The following KAZN variants were observed in gnomAD, a reference collection of about 807,000 sequenced individuals.
The protein encoded by KAZN is kazrin.
A neutral mutation model predicts 87.4 loss-of-function variants in KAZN; 40 were observed. The ratio of observed to expected loss-of-function variants is 0.46; its 90% CI spans 0.36 to 0.60. The LOEUF is 0.60. Among genes scored for constraint, KAZN ranks in the 20% least tolerant of loss-of-function variants. KAZN has a pLI of 0.00. For synonymous variants in KAZN, 466 were observed against 458.3 expected (o/e 1.02, Z -0.22); for missense variants, 898 against 1,073.9 (o/e 0.84, Z 2.29).
chr1:14,589,270 T>A (rs751921850), intron 2 of KAZN, among the ~76,000 whole-genome samples: 1 of 151,356 alleles, frequency 6.6e-6, no homozygotes, highest in Non-Finnish European at 1.5e-5. Context: ...AATGTGGCCT[T>A]GGAGTTCCAA....
At position 15,096,810 on chromosome 1, in the gene KAZN, C is replaced by G. The variant is rs1261079987; in HGVS notation, c.1547+1877C>G. On this transcript the variant is annotated intron_variant, in intron 10 of 14. Transcript: ENST00000376030. This position sits in a 1 kb window ranked among gnomAD's most constrained non-coding sequence, Gnocchi z 4.5. The stretch of plus-strand genomic sequence containing the variant: ...ATCATGAAGGGCACCCCTATGACCT[C>G]ATCTAATCAGCTCCCAAAGGCCCCA... Among the ~76,000 whole-genome samples the G allele has an allele frequency of 6.6e-6, 1 of 152,180 alleles. No individual in the cohort carries two copies. The highest frequency in any genetic ancestry group is 1.5e-5 in the Non-Finnish European group (1 of 68,008).
At chr1:14,409,627 A>G (rs1436335750) in intron 2 of KAZN, among the ~76,000 whole-genome samples, 2 of 152,190 alleles carry the variant, frequency 1.3e-5, no homozygotes, top group Non-Finnish European at 2.9e-5. Context: ...AAACGGCCAG[A>G]GAGACATGCA....
chr1:14,089,252 G>A (rs192312387), intron 1 of KAZN, among the ~76,000 whole-genome samples: 245 of 152,100 alleles, frequency 1.6e-3, no homozygotes, highest in African/African-American at 5.7e-3. Context: ...GACAATCTAT[G>A]TCTTTTAGTT....
At position 14,752,752 on chromosome 1, in the gene KAZN, G is replaced by T. The variant is rs368743134; in HGVS notation, c.226+153529G>T. Among the ~76,000 whole-genome samples the T allele has an allele frequency of 1.3e-4, 20 of 152,222 alleles. No individual in the cohort carries two copies. In the East Asian group the frequency reaches 2.7e-3, roughly 21 times the overall value. On this transcript the variant is annotated intron_variant, in intron 1 of 14. Transcript: ENST00000376030. ...ACATAGGAATTTGGTGGGGAGGGGG[G>T]ACACATTCAGACCATAGCAAGAGCC...
rs531815140 is a variant in KAZN at position 14,220,804 on chromosome 1, A to T, written c.249+40212A>T. On this transcript the variant is annotated intron_variant, in intron 2 of 16. Coordinates refer to the KAZN transcript ENST00000636203. Reference sequence around the variant, plus strand: ...CCCACATTTATCCTCCAGGGCTTTTATTCCCAACCATACTTATACTTGTCA... The same window carrying T: ...CCCACATTTATCCTCCAGGGCTTTTTTTCCCAACCATACTTATACTTGTCA... 5.9e-5 allele frequency among the ~76,000 whole-genome samples: 9 copies of T among 152,274 alleles called. No homozygotes were observed. In the South Asian group the frequency reaches 1.9e-3, roughly 32 times the overall value.
chr1:14,354,141 C>T (rs1658792018), intron 2 of KAZN, among the ~76,000 whole-genome samples: 1 of 151,956 alleles, frequency 6.6e-6, no homozygotes, highest in African/African-American at 2.4e-5. Context: ...GAATTGAAAG[C>T]CTTTTTAACA....
chr1:14,028,073 G>A (rs955061740), intron 1 of KAZN, among the ~76,000 whole-genome samples: 1 of 152,208 alleles, frequency 6.6e-6, no homozygotes, highest in Non-Finnish European at 1.5e-5. Context: ...GCCAAGCTTA[G>A]TGTGAGCCTT....
intron 2 of KAZN, among the ~76,000 whole-genome samples, chr1:14,424,928 A>G (rs1224415721): frequency 6.6e-6 from 1 of 152,236 alleles, no homozygotes; most frequent in Non-Finnish European, 1.5e-5. Flanking sequence ...TTCTAATATC[A>G]TAGCTAAATC....
intron 1 of KAZN, among the ~76,000 whole-genome samples, chr1:13,966,434 G>T (rs1040371341): frequency 8.5e-4 from 130 of 152,324 alleles, no homozygotes; most frequent in African/African-American, 2.9e-3. Context: ...CTTTCTGGGG[G>T]TGGGGTCCTG....
chr1:13,919,127 A>T (rs2100895617), intron 1 of KAZN, among the ~76,000 whole-genome samples: 1 of 152,378 alleles, frequency 6.6e-6, no homozygotes, highest in South Asian at 2.1e-4. Context: ...TCACAAGTGA[A>T]TACATCTGTA....
intron 1 of KAZN, among the ~76,000 whole-genome samples, chr1:14,055,901 C>G (rs72861225): frequency 6.6e-6 from 1 of 152,122 alleles, no homozygotes; most frequent in East Asian, 1.9e-4. Flanking sequence ...AAAATGCTAC[C>G]GAGCCTTTTA....
intron 1 of KAZN, among the ~76,000 whole-genome samples, chr1:14,095,608 C>T (rs1052703098): frequency 2.6e-5 from 4 of 152,110 alleles, no homozygotes; most frequent in Non-Finnish European, 5.9e-5. Context: ...CTGGAGGCTT[C>T]TTCACATACA....
rs146334402 is a variant in KAZN at position 15,044,093 on chromosome 1, G to A, written c.660G>A (p.Thr220=). 7.2e-4 allele frequency: 1,157 copies of A among 1,612,620 alleles called. 2 individuals carry two copies. Among genetic ancestry groups the A allele is most frequent in the East Asian group, 1.6e-3 (72 of 44,844 alleles). ...RQAKEATDHA[T]ALRSQLDLKD... ...CCAAGGAGGCCACAGACCACGCCAC[G>A]GCACTGCGCTCCCAGCTGGACCTCA... The change falls in exon 4 of 15, where the codon ACG becomes ACA. Residue 220 remains threonine (T), a synonymous_variant. Transcript: ENST00000376030.
chr1:14,036,633 A>C (rs912488611), intron 1 of KAZN, among the ~76,000 whole-genome samples: 7 of 152,078 alleles, frequency 4.6e-5, no homozygotes, highest in Non-Finnish European at 1.0e-4. Context: ...CCTGCACTCC[A>C]GCCTGGATGA....
intron 2 of KAZN, among the ~76,000 whole-genome samples, chr1:14,534,600 G>A (rs1356211257): frequency 1.3e-5 from 2 of 151,982 alleles, no homozygotes; most frequent in African/African-American, 2.4e-5. Flanking sequence ...AGCCGAGATC[G>A]CACCACTGCA....
chr1:14,722,422 A>T (rs1051533565), intron 1 of KAZN, among the ~76,000 whole-genome samples: 1 of 152,198 alleles, frequency 6.6e-6, no homozygotes, highest in African/African-American at 2.4e-5. Context: ...AAAAAATTCA[A>T]TTTAAAACCC....
chr1:14,745,089 A>G (rs1430206021), intron 1 of KAZN, among the ~76,000 whole-genome samples: 1 of 152,130 alleles, frequency 6.6e-6, no homozygotes, highest in Non-Finnish European at 1.5e-5. Context: ...GAATCGCCTT[A>G]TGACCTAACC....
chr1:14,642,397 C>T (rs1383132843), intron 1 of KAZN, among the ~76,000 whole-genome samples: 1 of 152,050 alleles, frequency 6.6e-6, no homozygotes, highest in Non-Finnish European at 1.5e-5. Flanking sequence ...GAGACTCCAT[C>T]TCAAAAAATA....
chr1:14,803,617 A>C (rs1437976169), intron 1 of KAZN, among the ~76,000 whole-genome samples: 1 of 152,136 alleles, frequency 6.6e-6, no homozygotes, highest in Non-Finnish European at 1.5e-5. Context: ...CCGTCTCTCC[A>C]ACAGAAATTA....
Sources: allele counts gnomAD v4.1 joint callset (sites outside exome capture counted in the v4.1 genomes callset), GRCh38; gene constraint gnomAD v4.1.1; non-coding constraint Gnocchi (gnomAD v3.1); transcripts MANE v1.5; gene names NCBI Gene and HGNC (gene_info 2026-07-23, HGNC 2026-07-21).